Variants in UMAD1 observed in about 807,000 individuals in gnomAD.
UMAD1 encodes the protein UBAP1-MVB12-associated (UMA)-domain containing protein 1.
A neutral mutation model predicts 6.1 loss-of-function variants in UMAD1; 8 were observed. That is an observed-to-expected ratio of 1.30 (90% CI 0.76 to 2.35). The LOEUF (loss-of-function observed/expected upper bound fraction) is 2.35. Ranked by LOEUF, UMAD1 falls within the 30% of genes most tolerant of loss-of-function variation. UMAD1 has a pLI of 0.00. For synonymous variants in UMAD1, 56 were observed against 31.4 expected (o/e 1.78, Z -2.61); for missense variants, 130 against 78.4 (o/e 1.66, Z -2.49).
At chr7:7,778,642 A>G (rs1273771029) in intron 2 of UMAD1, among the ~76,000 whole-genome samples, 1 of 151,936 alleles carries the variant, frequency 6.6e-6, no homozygotes, top group African/African-American at 2.4e-5. Flanking sequence ...TTTCAAATTC[A>G]TGGCCTCAAG....
intron 2 of UMAD1, among the ~76,000 whole-genome samples, chr7:7,698,180 T>C (rs1780363031): frequency 1.3e-5 from 2 of 152,272 alleles, no homozygotes; most frequent in South Asian, 4.1e-4. Flanking sequence ...TGATATTATT[T>C]ATTTTGAATT....
intron 3 of UMAD1, among the ~76,000 whole-genome samples, chr7:7,863,455 C>A (rs544751921): frequency 6.6e-5 from 10 of 152,184 alleles, no homozygotes; most frequent in African/African-American, 1.9e-4. Flanking sequence ...TAAAATTGTA[C>A]CAGTATGTTG....
chr7:7,687,900 G>T (rs1388763794), intron 2 of UMAD1, among the ~76,000 whole-genome samples: 1 of 152,050 alleles, frequency 6.6e-6, no homozygotes, highest in African/African-American at 2.4e-5. Context: ...TTTTATTTCT[G>T]GCATCCATCA....
At chr7:7,688,935 T>A (rs1247696901) in intron 2 of UMAD1, among the ~76,000 whole-genome samples, 1 of 152,204 alleles carries the variant, frequency 6.6e-6, no homozygotes, top group East Asian at 1.9e-4. Context: ...TTTGTTAACT[T>A]ATCTATTACT....
intron 2 of UMAD1, chr7:7,738,539 A>G (rs993203695): frequency 6.6e-6 from 1 of 152,264 alleles, no homozygotes; most frequent in Non-Finnish European, 1.5e-5. Flanking sequence ...AGCAATGAAT[A>G]TAAATGAACT....
At chr7:7,833,701 A>T (rs1028673311) in intron 3 of UMAD1, among the ~76,000 whole-genome samples, 3 of 152,202 alleles carry the variant, frequency 2.0e-5, no homozygotes, top group Admixed American at 2.0e-4. Context: ...ATTAACCTTT[A>T]CACTGTGAAA....
chr7:7,686,355 C>T (rs555902724), intron 2 of UMAD1, among the ~76,000 whole-genome samples: 7 of 151,968 alleles, frequency 4.6e-5, no homozygotes, highest in Admixed American at 4.6e-4. Flanking sequence ...AGAATGTTAT[C>T]CCATTGGCAG....
chr7:7,655,918 C>A (rs933741484), intron 1 of UMAD1, among the ~76,000 whole-genome samples: 13 of 152,160 alleles, frequency 8.5e-5, no homozygotes, highest in African/African-American at 3.1e-4. Context: ...TCACTGCAAC[C>A]TCCACCTCCT....
intron 3 of UMAD1, among the ~76,000 whole-genome samples, chr7:7,835,114 A>G (rs763510857): frequency 4.6e-5 from 7 of 152,202 alleles, no homozygotes; most frequent in Non-Finnish European, 7.3e-5. Flanking sequence ...GAGCCAAACC[A>G]TATCATTGAT....
At chr7:7,681,010 G>A (rs1229610309) in intron 2 of UMAD1, among the ~76,000 whole-genome samples, 1 of 151,914 alleles carries the variant, frequency 6.6e-6, no homozygotes, top group Non-Finnish European at 1.5e-5. Flanking sequence ...TGTGCAATAC[G>A]TACATTACAG....
At position 7,709,721 on chromosome 7, in the gene UMAD1, C is replaced by G. The variant is rs555561373; in HGVS notation, c.82+36268C>G. Among the ~76,000 whole-genome samples the G allele has an allele frequency of 5.3e-5, 8 of 152,140 alleles. No homozygotes were observed. The South Asian group carries it at 1.2e-3, about 24-fold the overall frequency. On this transcript the variant is annotated intron_variant, in intron 2 of 3. Coordinates refer to ENST00000682710, the MANE Select transcript of UMAD1 (RefSeq NM_001302348.2). ...GTAAGATCTTTAAAGTGACATCTTA[C>G]CAGCTATTATTCTTAGCTCTTGCTT...
chr7:7,698,160 A>G (rs1338019835), intron 2 of UMAD1, among the ~76,000 whole-genome samples: 2 of 152,220 alleles, frequency 1.3e-5, no homozygotes, highest in Admixed American at 6.5e-5. Context: ...AGGTAGTTCT[A>G]TATCTGATGT....
At chr7:7,761,092 C>T (rs566421350) in intron 2 of UMAD1, among the ~76,000 whole-genome samples, 2 of 152,194 alleles carry the variant, frequency 1.3e-5, no homozygotes, top group East Asian at 1.9e-4. Context: ...CAGCTGGGCA[C>T]GGTGGCTGAC....
chr7:7,771,262 C>G (rs371456513), intron 2 of UMAD1, among the ~76,000 whole-genome samples: 18 of 152,056 alleles, frequency 1.2e-4, no homozygotes, highest in African/African-American at 4.1e-4. Context: ...AAAATAAAGT[C>G]TCATCACTTG....
chr7:7,684,239 A>G (rs1167941253), intron 2 of UMAD1, among the ~76,000 whole-genome samples: 1 of 151,274 alleles, frequency 6.6e-6, no homozygotes, highest in African/African-American at 2.4e-5. Context: ...GTCTCACTCC[A>G]TCACCCAGGC....
chr7:7,727,415 T>A (rs543850111), intron 2 of UMAD1, among the ~76,000 whole-genome samples: 3 of 152,370 alleles, frequency 2.0e-5, no homozygotes, highest in South Asian at 4.1e-4. Flanking sequence ...GGCATAATTA[T>A]GACCTTATTA....
chr7:7,649,270 G>A (rs1483711399), intron 1 of UMAD1, among the ~76,000 whole-genome samples: 1 of 152,128 alleles, frequency 6.6e-6, no homozygotes, highest in African/African-American at 2.4e-5. Flanking sequence ...ATCTGGCAGG[G>A]GCTTGTTATG....
intron 2 of UMAD1, among the ~76,000 whole-genome samples, chr7:7,781,842 ATAAAG>A (rs1356430134): frequency 1.3e-5 from 2 of 148,594 alleles, no homozygotes; most frequent in African/African-American, 5.0e-5. Context: ...AATATGTAGA[ATAAAG>A]AAATAGAAAA....
At chr7:7,734,233 C>T (rs898846284) in intron 2 of UMAD1, among the ~76,000 whole-genome samples, 3 of 151,988 alleles carry the variant, frequency 2.0e-5, no homozygotes, top group Admixed American at 2.0e-4. Flanking sequence ...CTTTGAGCCC[C>T]CTGTGGTATG....
Sources: gnomAD v4.1 joint callset for allele counts (sites outside exome capture counted in the v4.1 genomes callset) on GRCh38, gnomAD v4.1.1 for gene constraint, MANE v1.5 for transcripts, NCBI Gene and HGNC (gene_info 2026-07-23, HGNC 2026-07-21) for gene names.